The following ZMAT4 variants were observed in gnomAD, a reference collection of about 807,000 sequenced individuals.
ZMAT4 encodes the protein zinc finger matrin-type 4.
Under a neutral mutation model 28.7 loss-of-function variants are expected in ZMAT4, and 17 were observed. That is an observed-to-expected ratio of 0.59 (90% CI 0.41 to 0.89). The LOEUF (loss-of-function observed/expected upper bound fraction) is 0.89. Ranked by LOEUF, ZMAT4 falls within the 40% of genes least tolerant of loss-of-function variation. The probability of loss-of-function intolerance (pLI) is 0.00; values close to 1 mark genes in which losing one functional copy is unlikely to be tolerated. For missense variants in ZMAT4, 240 were observed against 283.8 expected (o/e 0.85, Z 1.11); for synonymous variants, 117 against 109.2 (o/e 1.07, Z -0.44).
chr8:40,845,045 C>T (rs905146971), intron 1 of ZMAT4, among the ~76,000 whole-genome samples: 7 of 152,180 alleles, frequency 4.6e-5, no homozygotes, highest in Admixed American at 3.3e-4. Context: ...ATACTGAATT[C>T]CCTGGTCCAC....
rs140501935 is a variant in ZMAT4, at chr8:40,869,178, G to A, written c.-5+28505C>T. On this transcript the variant is annotated intron_variant, in intron 1 of 6. Coordinates refer to ENST00000297737, the MANE Select transcript of ZMAT4 (RefSeq NM_024645.3). ...CCACCCTTTAGACATATAAATATGA[G>A]CCATGCTTCTAGAAGATCCAGACAA... Among the ~76,000 whole-genome samples, 573 of 152,226 alleles carry A rather than the reference G, an allele frequency of 3.8e-3. 2 individuals are homozygous for A. The highest frequency in any genetic ancestry group is 0.013 in the African/African-American group (544 of 41,518).
rs572176076 is a variant in ZMAT4, at chr8:40,686,538, G to A, written c.349+10707C>T. Among the ~76,000 whole-genome samples the A allele has an allele frequency of 8.5e-5, 13 of 152,188 alleles. No homozygotes were observed. The East Asian group carries it at 2.5e-3, about 29-fold the overall frequency. On this transcript the variant is annotated intron_variant, in intron 4 of 6. Coordinates refer to ENST00000297737, the MANE Select transcript of ZMAT4 (RefSeq NM_024645.3). ...AGTCCCTGCTACTCGGGAGTCTGAG[G>A]TGAGAGATTCCTTTGACCCCAGGAA...
intron 3 of ZMAT4, among the ~76,000 whole-genome samples, chr8:40,717,125 C>G (rs1369038719): frequency 1.3e-5 from 2 of 152,188 alleles, no homozygotes; most frequent in African/African-American, 4.8e-5. Context: ...GTAATACCAT[C>G]TTTTCCCAGT....
At chr8:40,565,834 G>A (rs1168635062) in intron 6 of ZMAT4, among the ~76,000 whole-genome samples, 3 of 151,036 alleles carry the variant, frequency 2.0e-5, no homozygotes, top group African/African-American at 7.3e-5. Context: ...AAGAACTGCA[G>A]GTCCATGTTG....
At chr8:40,663,014 T>A (rs1230565722) in intron 5 of ZMAT4, among the ~76,000 whole-genome samples, 2 of 152,180 alleles carry the variant, frequency 1.3e-5, no homozygotes, top group Admixed American at 1.3e-4. Flanking sequence ...GATCACATCC[T>A]CTACTGACAA....
At chr8:40,827,597 C>T (rs1816113830) in intron 1 of ZMAT4, among the ~76,000 whole-genome samples, 1 of 152,208 alleles carries the variant, frequency 6.6e-6, no homozygotes, top group African/African-American at 2.4e-5. Flanking sequence ...TTCAGCAATT[C>T]AAAAGGATTC....
chr8:40,870,425 T>A (rs901453123), intron 1 of ZMAT4, among the ~76,000 whole-genome samples: 1 of 152,222 alleles, frequency 6.6e-6, no homozygotes, highest in East Asian at 1.9e-4. Flanking sequence ...CTTACGTCAG[T>A]TTAATTTGTA....
intron 3 of ZMAT4, among the ~76,000 whole-genome samples, chr8:40,759,053 G>C (rs1812813051): frequency 6.6e-6 from 1 of 152,060 alleles, no homozygotes; most frequent in Non-Finnish European, 1.5e-5. Flanking sequence ...GGAGGCTGAG[G>C]TGGGCAGATC....
chr8:40,549,901 C>A (rs1157130384), intron 6 of ZMAT4, among the ~76,000 whole-genome samples: 1 of 152,166 alleles, frequency 6.6e-6, no homozygotes, highest in Non-Finnish European at 1.5e-5. Flanking sequence ...TCTCAATATT[C>A]TCCCTTTTTG....
chr8:40,590,226 CTTT>C (rs1563354386), intron 5 of ZMAT4, among the ~76,000 whole-genome samples: 2 of 151,142 alleles, frequency 1.3e-5, no homozygotes, highest in African/African-American at 4.9e-5. Context: ...GAAACAGAGT[CTTT>C]CTATGTTGTC....
At chr8:40,872,088 G>A (rs1013993178) in intron 1 of ZMAT4, among the ~76,000 whole-genome samples, 2 of 152,158 alleles carry the variant, frequency 1.3e-5, no homozygotes, top group African/African-American at 4.8e-5. Flanking sequence ...GTTTCTGCTT[G>A]GAAGTGGGGA....
intron 1 of ZMAT4, among the ~76,000 whole-genome samples, chr8:40,887,871 C>G (rs1818519912): frequency 6.6e-6 from 1 of 152,130 alleles, no homozygotes; most frequent in Non-Finnish European, 1.5e-5. Context: ...GGCCATTGTC[C>G]CCTCCCATCC....
At chr8:40,700,205 T>G (rs1333636834) in intron 3 of ZMAT4, among the ~76,000 whole-genome samples, 1 of 151,826 alleles carries the variant, frequency 6.6e-6, no homozygotes, top group African/African-American at 2.4e-5. Flanking sequence ...ATCAAAGAAC[T>G]AGAGTCTCAT....
chr8:40,590,864 T>G (rs1172188826), intron 5 of ZMAT4, among the ~76,000 whole-genome samples: 1 of 152,132 alleles, frequency 6.6e-6, no homozygotes, highest in African/African-American at 2.4e-5. Flanking sequence ...GATATTAACG[T>G]TTGTCCCCAT....
chr8:40,662,755 C>T (rs894306813), intron 5 of ZMAT4, among the ~76,000 whole-genome samples: 1 of 152,152 alleles, frequency 6.6e-6, no homozygotes, highest in Non-Finnish European at 1.5e-5. Context: ...CATTACATTT[C>T]TGTTTTTCCT....
chr8:40,815,409 A>C (rs1356767946), intron 2 of ZMAT4, among the ~76,000 whole-genome samples: 2 of 152,230 alleles, frequency 1.3e-5, no homozygotes, highest in Admixed American at 1.3e-4. Flanking sequence ...AAGCAAATCA[A>C]AAAACAGAGT....
chr8:40,741,741 A>G (rs1199978523), intron 3 of ZMAT4, among the ~76,000 whole-genome samples: 1 of 152,218 alleles, frequency 6.6e-6, no homozygotes, highest in Non-Finnish European at 1.5e-5. Flanking sequence ...TGTGGCAATG[A>G]CAAGTGTCGG....
At chr8:40,733,500 C>G (rs1811632324) in intron 3 of ZMAT4, among the ~76,000 whole-genome samples, 1 of 152,084 alleles carries the variant, frequency 6.6e-6, no homozygotes, top group African/African-American at 2.4e-5. Context: ...ACAGAATTAA[C>G]TAGAGTTGTT....
intron 5 of ZMAT4, among the ~76,000 whole-genome samples, chr8:40,640,507 C>CA (rs1157607652): frequency 3.3e-5 from 5 of 151,996 alleles, no homozygotes; most frequent in East Asian, 1.9e-4. Flanking sequence ...AACAGACTAA[C>CA]AAAAAACATT....
Sources: allele counts gnomAD v4.1 joint callset (sites outside exome capture counted in the v4.1 genomes callset), GRCh38; gene constraint gnomAD v4.1.1; transcripts MANE v1.5; gene names NCBI Gene and HGNC (gene_info 2026-07-23, HGNC 2026-07-21).